GDPD3: variants seen among roughly 807,000 people sequenced by gnomAD.
GDPD3 encodes the protein glycerophosphodiester phosphodiesterase domain containing 3.
In GDPD3, 40 loss-of-function variants were observed where a neutral mutation model predicts 43.7. That is an observed-to-expected ratio of 0.91 (90% CI 0.71 to 1.19). The LOEUF (loss-of-function observed/expected upper bound fraction) is 1.19. GDPD3 is among the 50% of genes most tolerant of loss of function. The probability of loss-of-function intolerance (pLI) is 0.00; values close to 1 mark genes in which losing one functional copy is unlikely to be tolerated. For missense variants in GDPD3, 363 were observed against 415.8 expected, an observed-to-expected ratio of 0.87 and a Z score of 1.11; for synonymous variants, 145 against 162.9, an observed-to-expected ratio of 0.89 and a Z score of 0.84.
intron 9 of GDPD3, chr16:30,107,916 G>C (rs539483489): frequency 5.1e-6 from 1 of 196,780 alleles, no homozygotes; most frequent in East Asian, 1.3e-4. Context: ...CTTGAACCCG[G>C]GAGGTGGAGG....
In GDPD3 at chr16:30,112,386, GACGA is replaced by G; in HGVS notation, c.399_402del (p.Arg134TrpfsTer13). 1 of 1,614,250 alleles carries G rather than the reference GACGA, an allele frequency of 6.2e-7. No individual in the cohort carries two copies. The highest frequency in any genetic ancestry group is 1.7e-5 in the Admixed American group (1 of 60,026). On this transcript the variant is annotated frameshift_variant, in exon 5 of 10. Coordinates refer to ENST00000406256, the MANE Select transcript of GDPD3 (RefSeq NM_024307.3). LOFTEE classifies it high-confidence loss of function. This position sits in a 1 kb window ranked among gnomAD's most constrained non-coding sequence, Gnocchi z 5.4. ...GGAAACCTCTGGAACAGGTCCTCCA[GACGA>G]ACCATGCGCCGGTCTGACCCGTGAG...
rs780666211 is a variant in GDPD3 at position 30,108,379 on chromosome 16, G to A, written c.761C>T (p.Ser254Leu). 17 of 1,613,944 alleles carry A rather than the reference G, an allele frequency of 1.1e-5. No individual in the cohort carries two copies. The highest frequency in any genetic ancestry group is 6.7e-5 in the Admixed American group (4 of 59,980). The change falls in exon 8 of 10, where the codon TCG (serine) becomes TTG (leucine). Residue 254 changes from serine to leucine, a missense_variant. Transcript: ENST00000406256. ...GCCATCTTGCCCACCTCACCATTTC[G>A]AAACCACAGCCAATAACTGGTTCAG... ...SCLNQLLAVV[S>L]KWLIMRKSLI... is the part of the protein sequence containing the mutation.
In GDPD3 at chr16:30,112,757, G is replaced by T; in HGVS notation, c.219C>A (p.Asp73Glu). Reference sequence around the variant, plus strand: ...CCACTCTGTCCCGTGTCAGCTGACAGTCGAGCTCCAGGAGGTCCGAGCGCT... The same window carrying T: ...CCACTCTGTCCCGTGTCAGCTGACATTCGAGCTCCAGGAGGTCCGAGCGCT... ...MAQRSDLLELDCQLTRDRVVV... is the reference protein window; with the variant it reads ...MAQRSDLLELECQLTRDRVVV... The change falls in exon 3 of 10, where the codon GAC (aspartate) becomes GAA (glutamate). Residue 73 changes from aspartate to glutamate, a missense_variant. By Grantham distance (45) the Asp-to-Glu change is conservative (BLOSUM62 2). Transcript: ENST00000406256. The surrounding 1 kb of genome is among the most constrained non-coding windows in gnomAD (Gnocchi z 5.4). 12 of 1,612,318 alleles carry T rather than the reference G, an allele frequency of 7.4e-6. No individual in the cohort carries two copies. Among genetic ancestry groups the T allele is most frequent in the Non-Finnish European group, 9.3e-6 (11 of 1,179,960 alleles).
In GDPD3 at chr16:30,112,965, C is replaced by T; in HGVS notation, c.182+57G>A. 1.3e-6 allele frequency: 2 copies of T among 1,558,294 alleles called. No individual in the cohort carries two copies. Among genetic ancestry groups the T allele is most frequent in the Non-Finnish European group, 1.8e-6 (2 of 1,131,446 alleles). On this transcript the variant is annotated intron_variant, in intron 2 of 9. Coordinates refer to ENST00000406256, the MANE Select transcript of GDPD3 (RefSeq NM_024307.3). The surrounding 1 kb of genome is among the most constrained non-coding windows in gnomAD (Gnocchi z 5.4). The stretch of plus-strand genomic sequence containing the variant: ...GTGAATGGCGTCCCTTGCTGTGATG[C>T]AGTCCACGACCTGCACACCCTCACA...
chr16:30,111,828 G>T, intron 6 of GDPD3: 3 of 533,154 alleles, frequency 5.6e-6, no homozygotes, highest in African/African-American at 1.9e-5. Flanking sequence ...AGCTACTCGG[G>T]AGGCTGAAGC....
intron 9 of GDPD3, among the ~76,000 whole-genome samples, chr16:30,106,504 C>A (rs1460953517): frequency 1.3e-5 from 2 of 152,084 alleles, no homozygotes; most frequent in Non-Finnish European, 2.9e-5. Flanking sequence ...GTTGAGTGGG[C>A]ACTGAGGTAG....
chr16:30,112,240 G>A lies in GDPD3; in HGVS notation c.484-19C>T, dbSNP rs547676919. 2.6e-5 allele frequency: 42 copies of A among 1,613,766 alleles called. No homozygotes were observed. The East Asian group carries it at 8.9e-4, about 34-fold the overall frequency. ...CTGCTATCTGGGAGGAGGAGAAGGA[G>A]GTGAAGGGAGAGCCAGGCCTCTCTC... On this transcript the variant is annotated intron_variant, in intron 5 of 9. Transcript: ENST00000406256. This position sits in a 1 kb window ranked among gnomAD's most constrained non-coding sequence, Gnocchi z 5.4.
At chr16:30,111,281 G>A (rs1207676586) in intron 7 of GDPD3, 107 bp downstream of exon 7, 6 of 1,273,898 alleles carry the variant, frequency 4.7e-6, no homozygotes, top group Admixed American at 2.2e-5. Context: ...AAAAGACCTT[G>A]GGGGTTATCT....
intron 9 of GDPD3, among the ~76,000 whole-genome samples, chr16:30,107,353 C>T (rs1381582219): frequency 6.7e-6 from 1 of 149,592 alleles, no homozygotes; most frequent in Non-Finnish European, 1.5e-5. Context: ...AGTGATCCTC[C>T]CACCTTGGCC....
intron 9 of GDPD3, 53 bp from the exon 10 acceptor site, chr16:30,105,062 A>AGTG: frequency 6.8e-7 from 1 of 1,463,624 alleles, no homozygotes; most frequent in Non-Finnish European, 9.4e-7. Context: ...ACATCTGGAG[A>AGTG]GTGGGGACCC....
chr16:30,108,989 G>GC (rs1460296920), intron 7 of GDPD3, among the ~76,000 whole-genome samples: 8 of 151,054 alleles, frequency 5.3e-5, no homozygotes, highest in Non-Finnish European at 7.4e-5. Flanking sequence ...CCGCCACCAC[G>GC]CCTGCTAATT....
intron 9 of GDPD3, among the ~76,000 whole-genome samples, chr16:30,105,314 C>T (rs757917747): frequency 2.6e-5 from 4 of 151,786 alleles, no homozygotes; most frequent in South Asian, 2.1e-4. Flanking sequence ...TTAATTAGCC[C>T]GGTGTGGTGG....
In GDPD3 at chr16:30,112,957, C is replaced by T; in HGVS notation, c.182+65G>A. 3 of 1,544,128 alleles carry T rather than the reference C, an allele frequency of 1.9e-6. No homozygotes were observed. The highest frequency in any genetic ancestry group is 2.7e-6 in the Non-Finnish European group (3 of 1,119,100). On this transcript the variant is annotated intron_variant, in intron 2 of 9. Coordinates refer to ENST00000406256, the MANE Select transcript of GDPD3 (RefSeq NM_024307.3). This position sits in a 1 kb window ranked among gnomAD's most constrained non-coding sequence, Gnocchi z 5.4. ...GCTAGGAAGTGAATGGCGTCCCTTG[C>T]TGTGATGCAGTCCACGACCTGCACA...
At chr16:30,109,052 G>T (rs371524199) in intron 7 of GDPD3, among the ~76,000 whole-genome samples, 26 of 152,038 alleles carry the variant, frequency 1.7e-4, no homozygotes, top group East Asian at 5.9e-4. Flanking sequence ...GGATGGTCTC[G>T]ATCTCCTGAC....
chr16:30,105,012 G>A lies in GDPD3; in HGVS notation c.820-3C>T. On this transcript the variant is annotated splice_polypyrimidine_tract_variant and splice_region_variant and intron_variant, in intron 9 of 9. Transcript: ENST00000406256. ...TCATTAAGGCACCAAAAGACCACCT[G>A]AGCAGGGAGGGAGGGGGCCTGTAGA... The A allele has an allele frequency of 6.2e-7, 1 of 1,602,204 alleles. No homozygotes were observed. The highest frequency in any genetic ancestry group is 1.8e-5 in the Admixed American group (1 of 56,992).
chr16:30,108,400 T>A lies in GDPD3; in HGVS notation c.740A>T (p.Asn247Ile). 6.2e-7 allele frequency: 1 copy of A among 1,613,884 alleles called. No individual in the cohort carries two copies. The highest frequency in any genetic ancestry group is 2.2e-5 in the East Asian group (1 of 44,826). The change falls in exon 8 of 10, where the codon AAC becomes ATC. Residue 247 changes from asparagine (N) to isoleucine (I), a missense_variant. Asn to Ile is a moderately radical substitution (Grantham distance 149, BLOSUM62 -3). Transcript: ENST00000406256. ...TTTCGAAACCACAGCCAATAACTGG[T>A]TCAGGCAAGAGCAGGAAAATGGGAA... ...TYFPFSCSCL[N>I]QLLAVVSKWL...
chr16:30,112,275 G>T lies in GDPD3; in HGVS notation c.483+31C>A. ...GAGCCAGGCCTCTCTCACGCCCCCG[G>T]TGGCCGCCCTAGCCCTGCCTGCAGC... On this transcript the variant is annotated intron_variant, in intron 5 of 9. Transcript: ENST00000406256. The surrounding 1 kb of genome is among the most constrained non-coding windows in gnomAD (Gnocchi z 5.4). The T allele has an allele frequency of 6.2e-7, 1 of 1,613,514 alleles. No homozygotes were observed.
intron 6 of GDPD3, 188 bp downstream of exon 6, chr16:30,111,944 A>C: frequency 1.7e-6 from 1 of 602,836 alleles, no homozygotes; most frequent in Non-Finnish European, 2.9e-6. Context: ...AAAAAGAAAA[A>C]AAACAAAAGT....
At chr16:30,110,389 C>G (rs1260032009) in intron 7 of GDPD3, 1 of 152,096 alleles carries the variant, frequency 6.6e-6, no homozygotes, top group East Asian at 1.9e-4. Flanking sequence ...CGAGATCACG[C>G]CACTGCACTG....
Sources: gnomAD v4.1 joint callset for allele counts (sites outside exome capture counted in the v4.1 genomes callset) on GRCh38, gnomAD v4.1.1 for gene constraint, Gnocchi (gnomAD v3.1) non-coding constraint, MANE v1.5 for transcripts, NCBI Gene and HGNC (gene_info 2026-07-23, HGNC 2026-07-21) for gene names.